HPSE2: variants seen among roughly 807,000 people sequenced by gnomAD.
The protein encoded by HPSE2 is heparanase 2 (inactive).
HPSE2 carries 38 observed loss-of-function variants against 60.5 expected under a neutral mutation model. The observed-to-expected ratio is 0.63, with a 90% CI of 0.48 to 0.82. The LOEUF is 0.82. Ranked by LOEUF, HPSE2 falls within the 40% of genes least tolerant of loss-of-function variation. The pLI is 0.00. For synonymous variants in HPSE2, 295 were observed against 293.2 expected, an observed-to-expected ratio of 1.01 and a Z score of -0.06; for missense variants, 713 against 740.4, an observed-to-expected ratio of 0.96 and a Z score of 0.43.
chr10:98,725,208 T>C (rs909184030), intron 4 of HPSE2, among the ~76,000 whole-genome samples: 5 of 152,168 alleles, frequency 3.3e-5, no homozygotes, highest in Non-Finnish European at 5.9e-5. Flanking sequence ...AGAACAAAGC[T>C]GGAGGCATCA....
intron 3 of HPSE2, among the ~76,000 whole-genome samples, chr10:98,806,734 A>G (rs1182141532): frequency 1.3e-5 from 2 of 152,242 alleles, no homozygotes; most frequent in Non-Finnish European, 2.9e-5. Flanking sequence ...AACATATTTC[A>G]TGTCTCTAAT....
At chr10:99,096,696 G>T (rs12780046) in intron 3 of HPSE2, among the ~76,000 whole-genome samples, 10,899 of 149,484 alleles carry the variant, frequency 0.073, 541 homozygotes, top group South Asian at 0.19. Context: ...AAATTGTTGT[G>T]TTTTTTTTTT....
At chr10:98,630,823 A>G (rs947773625) in intron 7 of HPSE2, among the ~76,000 whole-genome samples, 1 of 152,210 alleles carries the variant, frequency 6.6e-6, no homozygotes. Flanking sequence ...TTCAGAGAAG[A>G]TAACTAATAA....
intron 2 of HPSE2, among the ~76,000 whole-genome samples, chr10:99,207,357 A>T (rs987158180): frequency 6.6e-6 from 1 of 152,202 alleles, no homozygotes; most frequent in Non-Finnish European, 1.5e-5. Flanking sequence ...AATAAAGGCT[A>T]AGGAACTCAT....
At chr10:98,582,047 A>C (rs1944813872) in intron 9 of HPSE2, among the ~76,000 whole-genome samples, 1 of 152,210 alleles carries the variant, frequency 6.6e-6, no homozygotes, top group African/African-American at 2.4e-5. Context: ...CCAGGACTTC[A>C]CATCTCCAAC....
intron 2 of HPSE2, among the ~76,000 whole-genome samples, chr10:99,153,266 T>A (rs1846363045): frequency 6.6e-6 from 1 of 152,148 alleles, no homozygotes; most frequent in African/African-American, 2.4e-5. Flanking sequence ...CAAGGAGACC[T>A]GCCTGCCTCT....
chr10:98,816,821 T>C (rs1951301123), intron 3 of HPSE2, among the ~76,000 whole-genome samples: 2 of 152,242 alleles, frequency 1.3e-5, no homozygotes, highest in African/African-American at 4.8e-5. Context: ...ACTGCAATTC[T>C]CTGTTTACCA....
intron 7 of HPSE2, among the ~76,000 whole-genome samples, chr10:98,637,376 T>C (rs746077907): frequency 6.6e-6 from 1 of 152,148 alleles, no homozygotes; most frequent in African/African-American, 2.4e-5. Flanking sequence ...ATAAAGGTAA[T>C]GTAAAGCTTC....
intron 3 of HPSE2, among the ~76,000 whole-genome samples, chr10:98,884,977 AG>A (rs1953125876): frequency 6.6e-6 from 1 of 152,226 alleles, no homozygotes; most frequent in South Asian, 2.1e-4. Context: ...TGCCATAGGC[AG>A]TGATTCCTCT....
At chr10:98,596,744 T>G (rs1244284792) in intron 9 of HPSE2, among the ~76,000 whole-genome samples, 1 of 152,196 alleles carries the variant, frequency 6.6e-6, no homozygotes, top group Non-Finnish European at 1.5e-5. Flanking sequence ...CTCCCTTATA[T>G]GCGATTTGCT....
chr10:99,151,805 A>T (rs1261984318), intron 2 of HPSE2, among the ~76,000 whole-genome samples: 1 of 152,182 alleles, frequency 6.6e-6, no homozygotes, highest in Non-Finnish European at 1.5e-5. Flanking sequence ...AATCCCAGCT[A>T]TTCAGGAAGC....
chr10:99,236,696 AAAGGGACAT>A (rs1482606849), upstream of HPSE2, among the ~76,000 whole-genome samples: 4 of 152,284 alleles, frequency 2.6e-5, no homozygotes, highest in Admixed American at 6.5e-5. Flanking sequence ...CCGAGGGCCA[AAAGGGACAT>A]GCGCCCTCGC....
intron 3 of HPSE2, among the ~76,000 whole-genome samples, chr10:98,938,113 A>G (rs1363192913): frequency 7.0e-6 from 1 of 143,372 alleles, no homozygotes; most frequent in Non-Finnish European, 1.5e-5. Context: ...AAAGACCAAA[A>G]GTAGATAAAA....
At chr10:98,814,773 G>A (rs1951246101) in intron 3 of HPSE2, among the ~76,000 whole-genome samples, 1 of 152,178 alleles carries the variant, frequency 6.6e-6, no homozygotes, top group South Asian at 2.1e-4. Flanking sequence ...GCAGTAGGGA[G>A]ATCAGCCAAT....
In HPSE2 at chr10:98,824,860, T is replaced by A. The variant is rs141828862; in HGVS notation, c.611-80804A>T. On this transcript the variant is annotated intron_variant, in intron 3 of 11. Transcript: ENST00000370552. ...CTTGTGGTATAGCACTTAGCAGGCT[T>A]CATTGCAGTTATTTGCTTATTTCCC... Among the ~76,000 whole-genome samples the A allele has an allele frequency of 3.6e-3, 556 of 152,350 alleles. 3 individuals are homozygous for A. Among genetic ancestry groups the A allele is most frequent in the African/African-American group, 0.013 (537 of 41,564 alleles).
chr10:98,777,260 A>G (rs148437154), intron 3 of HPSE2, among the ~76,000 whole-genome samples: 10 of 152,306 alleles, frequency 6.6e-5, no homozygotes, highest in African/African-American at 2.2e-4. Context: ...ATTAGAGAGT[A>G]AACACAATAA....
chr10:99,298,535 A>G, the HPSE2 span, among the ~76,000 whole-genome samples: 2 of 152,246 alleles, frequency 1.3e-5, no homozygotes, highest in Non-Finnish European at 1.5e-5. Flanking sequence ...CTATGGCAAT[A>G]AAGTTTGGGT....
chr10:98,655,816 A>G lies in HPSE2; in HGVS notation c.1005-13876T>C, dbSNP rs138729747. Among the ~76,000 whole-genome samples the G allele has an allele frequency of 2.8e-3, 419 of 152,200 alleles. 4 individuals carry two copies. Among genetic ancestry groups the G allele is most frequent in the African/African-American group, 9.6e-3 (399 of 41,530 alleles). On this transcript the variant is annotated intron_variant, in intron 6 of 11. Transcript: ENST00000370552. The stretch of plus-strand genomic sequence containing the variant: ...GCCATGGTTATGAGAGTAAGGAATA[A>G]AGGCACATGTGATACACATGTGTCA...
chr10:99,294,797 A>G, the HPSE2 span, among the ~76,000 whole-genome samples: 5 of 151,264 alleles, frequency 3.3e-5, no homozygotes, highest in Non-Finnish European at 7.4e-5. Context: ...ATCAGCTAAT[A>G]AAAATACAAA....
Sources: allele counts gnomAD v4.1 joint callset (sites outside exome capture counted in the v4.1 genomes callset), GRCh38; gene constraint gnomAD v4.1.1; transcripts MANE v1.5; gene names NCBI Gene and HGNC (gene_info 2026-07-23, HGNC 2026-07-21).